The following ANKRD30A variants were observed in gnomAD, a reference collection of about 807,000 sequenced individuals.
The protein encoded by ANKRD30A is ankyrin repeat domain-containing protein 30A.
Under a neutral mutation model 166.3 loss-of-function variants are expected in ANKRD30A, and 170 were observed. The ratio of observed to expected loss-of-function variants is 1.02; its 90% CI spans 0.90 to 1.16. The LOEUF is 1.16. Ranked by LOEUF, ANKRD30A falls within the 50% of genes most tolerant of loss-of-function variation. The pLI is 0.00. For missense variants in ANKRD30A, 1,630 were observed against 1,518.0 expected, an observed-to-expected ratio of 1.07 and a Z score of -1.23; for synonymous variants, 564 against 508.9, an observed-to-expected ratio of 1.11 and a Z score of -1.46.
chr10:37,147,344 T>G, intron 8 of ANKRD30A, 26 bp from the exon 9 acceptor site: 1 of 1,484,360 alleles, frequency 6.7e-7, no homozygotes, highest in Non-Finnish European at 9.2e-7. Flanking sequence ...AAAACTGAAA[T>G]TATCTATTGA....
At chr10:37,161,653 C>A (rs867644951) in intron 15 of ANKRD30A, among the ~76,000 whole-genome samples, 23 of 152,126 alleles carry the variant, frequency 1.5e-4, no homozygotes, top group Middle Eastern at 3.4e-3. Flanking sequence ...AAGCAGGAGT[C>A]CTACTAGAAT....
chr10:37,197,369 A>G (rs1276026940), intron 28 of ANKRD30A, 39 bp from the exon 29 acceptor site: 6 of 1,612,630 alleles, frequency 3.7e-6, no homozygotes, highest in Admixed American at 3.3e-5. Context: ...TGTGAAGTAT[A>G]CATTCTTTAT....
At position 37,167,287 on chromosome 10, in the gene ANKRD30A, A is replaced by AATATATATAT. The variant is rs61480898; in HGVS notation, c.2155+598_2155+607dup. Among the ~76,000 whole-genome samples the AATATATATAT allele has an allele frequency of 1.1e-3, 143 of 126,582 alleles. 8 individuals are homozygous for AATATATATAT. The highest frequency in any genetic ancestry group is 4.5e-3 in the African/African-American group (127 of 28,476). The allele number at this position is 126,582 out of a possible 152,430, so 83.0% of individuals were successfully genotyped here. A position where few individuals can be genotyped will look rare whatever the true frequency, so the allele number is the denominator to read the frequency against. ...TTTTCTTTATTACTATGAGGCGTCAAATATATATATATATAGATGTGTGCA... is the reference window on the plus strand; with the variant it reads ...TTTTCTTTATTACTATGAGGCGTCAAATATATATATATATATATATATATAGATGTGTGCA... On this transcript the variant is annotated intron_variant, in intron 19 of 35. Transcript: ENST00000361713.
In ANKRD30A at chr10:37,141,739, C is replaced by G; in HGVS notation, c.842C>G (p.Pro281Arg). The change falls in exon 7 of 36, where the codon CCT becomes CGT. Residue 281 changes from proline to arginine, a missense_variant. By Grantham distance (103) the Pro-to-Arg change is moderately radical. This residue lies in a region of ANKRD30A where 904 missense variants were observed against 818.5 expected (regional missense o/e 1.10). Coordinates refer to ENST00000361713, the MANE Select transcript of ANKRD30A (RefSeq NM_052997.3). ...TNPEGTSAGT[P>R]DEAAPLAERT... is the part of the protein sequence containing the mutation. ...GCAGAAGGAACATCTGCAGGAACACCTGATGAGGCTGCACCCTTGGCGGAA... is the reference window on the plus strand; with the variant it reads ...GCAGAAGGAACATCTGCAGGAACACGTGATGAGGCTGCACCCTTGGCGGAA... The G allele has an allele frequency of 6.2e-7, 1 of 1,611,818 alleles. No homozygotes were observed. The highest frequency in any genetic ancestry group is 8.5e-7 in the Non-Finnish European group (1 of 1,179,780).
chr10:37,206,922 T>G (rs1396935454), intron 31 of ANKRD30A, among the ~76,000 whole-genome samples: 1 of 152,162 alleles, frequency 6.6e-6, no homozygotes, highest in Non-Finnish European at 1.5e-5. Context: ...TACATAAATA[T>G]TATACTGATT....
chr10:37,192,194 A>G (rs1213739314), intron 25 of ANKRD30A, among the ~76,000 whole-genome samples: 1 of 151,822 alleles, frequency 6.6e-6, no homozygotes, highest in Non-Finnish European at 1.5e-5. Context: ...GTGCCACCAT[A>G]CCTGGCTGAT....
At chr10:37,167,803 A>G (rs561660413) in intron 19 of ANKRD30A, among the ~76,000 whole-genome samples, 1 of 149,214 alleles carries the variant, frequency 6.7e-6, no homozygotes, top group Non-Finnish European at 1.5e-5. Context: ...ATCAATTCAT[A>G]ACACTTTTTC....
At chr10:37,141,163 C>T (rs1427031714) in intron 6 of ANKRD30A, among the ~76,000 whole-genome samples, 2 of 152,056 alleles carry the variant, frequency 1.3e-5, no homozygotes, top group Admixed American at 1.3e-4. Flanking sequence ...TTAGTGCTTA[C>T]TCTGTGCCAG....
intron 3 of ANKRD30A, among the ~76,000 whole-genome samples, chr10:37,131,086 A>G (rs1402006800): frequency 6.6e-6 from 1 of 152,168 alleles, no homozygotes; most frequent in Non-Finnish European, 1.5e-5. Context: ...ATAAATAATC[A>G]TCTTCTATTA....
chr10:37,199,742 C>G lies in ANKRD30A; in HGVS notation c.2732C>G (p.Ser911Ter), dbSNP rs373954538. The G allele has an allele frequency of 6.3e-7, 1 of 1,578,482 alleles. No homozygotes were observed. Among genetic ancestry groups the G allele is most frequent in the Middle Eastern group, 1.7e-4 (1 of 5,912 alleles). Residue 911 changes from serine (S) to a stop codon, truncating the protein, a stop_gained, in exon 30 of 36, where the codon TCA becomes TGA. Transcript: ENST00000361713. LOFTEE classifies it high-confidence loss of function. Reference sequence around the variant, plus strand: ...CCTTTTATAGATCAGATGTTCCCTTCAGAATCAAAACAAAAGAAGGTTGAA... The same window carrying G: ...CCTTTTATAGATCAGATGTTCCCTTGAGAATCAAAACAAAAGAAGGTTGAA... Reference protein sequence around the residue: ...QTLRADQMFPSESKQKKVEEN... With the variant: ...QTLRADQMFP
chr10:37,258,949 T>G, the ANKRD30A span, among the ~76,000 whole-genome samples: 3 of 116,770 alleles, frequency 2.6e-5, no homozygotes, highest in Admixed American at 3.7e-4. Context: ...GGTGACAAAG[T>G]GAGACTCCAT....
At chr10:37,212,414 G>A (rs1842385787) in intron 31 of ANKRD30A, among the ~76,000 whole-genome samples, 1 of 152,026 alleles carries the variant, frequency 6.6e-6, no homozygotes, top group African/African-American at 2.4e-5. Flanking sequence ...TGGGTAGGAA[G>A]AATCAATGTC....
chr10:37,150,132 G>C (rs1478992344), intron 11 of ANKRD30A, among the ~76,000 whole-genome samples: 7 of 152,010 alleles, frequency 4.6e-5, no homozygotes, highest in Admixed American at 3.9e-4. Context: ...GATTCAAGTA[G>C]GTGAATTTTG....
intron 8 of ANKRD30A, among the ~76,000 whole-genome samples, chr10:37,146,424 TCA>T (rs1837518508): frequency 6.6e-6 from 1 of 152,234 alleles, no homozygotes; most frequent in African/African-American, 2.4e-5. Context: ...ATGAATAATT[TCA>T]GTGTTTAATG....
At chr10:37,250,416 T>G in the ANKRD30A span, among the ~76,000 whole-genome samples, 1 of 152,034 alleles carries the variant, frequency 6.6e-6, no homozygotes, top group Non-Finnish European at 1.5e-5. Flanking sequence ...AAGTGTTTTA[T>G]TGGGGATGGG....
chr10:37,160,500 A>G (rs186332981), intron 15 of ANKRD30A, among the ~76,000 whole-genome samples: 3 of 152,342 alleles, frequency 2.0e-5, no homozygotes, highest in Admixed American at 1.3e-4. Context: ...AGAAGTTAGA[A>G]CAAAAATTTT....
At chr10:37,154,303 G>T (rs1309927292) in intron 13 of ANKRD30A, among the ~76,000 whole-genome samples, 1 of 152,188 alleles carries the variant, frequency 6.6e-6, no homozygotes, top group Admixed American at 6.5e-5. Flanking sequence ...TAGAAAATCA[G>T]CTGAAAACCT....
intron 30 of ANKRD30A, 130 bp from the exon 31 acceptor site, chr10:37,201,105 T>C: frequency 1.7e-6 from 1 of 603,128 alleles, no homozygotes; most frequent in Non-Finnish European, 2.6e-6. Context: ...TTTATACGTG[T>C]CTGCTCTTAA....
chr10:37,132,454 GA>G (rs1415836307), intron 4 of ANKRD30A, 108 bp downstream of exon 4: 7 of 634,004 alleles, frequency 1.1e-5, no homozygotes. Flanking sequence ...TAGATTATGT[GA>G]AAATATCAAT....
Sources: gnomAD v4.1 joint callset for allele counts (sites outside exome capture counted in the v4.1 genomes callset) on GRCh38, gnomAD v4.1.1 for gene constraint, gnomAD v4.1.1 regional missense constraint, MANE v1.5 for transcripts, NCBI Gene and HGNC (gene_info 2026-07-23, HGNC 2026-07-21) for gene names.